Variants in CACNA1H observed in about 807,000 individuals in gnomAD.
The protein encoded by CACNA1H is calcium voltage-gated channel subunit alpha1 H.
A neutral mutation model predicts 192.5 loss-of-function variants in CACNA1H; 149 were observed. That is an observed-to-expected ratio of 0.77 (90% CI 0.68 to 0.89). The LOEUF is 0.89. CACNA1H is among the 40% of genes least tolerant of loss of function. CACNA1H has a pLI of 0.00. For synonymous variants in CACNA1H, 2,202 were observed against 1,475.2 expected, an observed-to-expected ratio of 1.49 and a Z score of -11.29; for missense variants, 4,257 against 3,423.5, an observed-to-expected ratio of 1.24 and a Z score of -6.08.
rs867960501 is a variant in CACNA1H at position 1,210,333 on chromosome 16, G to T, written c.3846-37G>T. 9.8e-6 allele frequency: 13 copies of T among 1,320,608 alleles called. No homozygotes were observed. In the South Asian group the frequency reaches 1.7e-4, roughly 17 times the overall value. The allele number at this position is 1,320,608 out of a possible 1,614,324, so 81.8% of individuals were successfully genotyped here. Reference sequence around the variant, plus strand: ...CCCCATCCACTCTGCCATCCACGCCGCCCCGCCCCACCTCTCACCCGCCCC... The same window carrying T: ...CCCCATCCACTCTGCCATCCACGCCTCCCCGCCCCACCTCTCACCCGCCCC... On this transcript the variant is annotated intron_variant, in intron 18 of 34. Coordinates refer to ENST00000348261, the MANE Select transcript of CACNA1H (RefSeq NM_021098.3).
At chr16:1,195,223 C>T (rs1219330100) in intron 3 of CACNA1H, 140 bp downstream of exon 3, 21 of 363,960 alleles carry the variant, frequency 5.8e-5, no homozygotes, top group Non-Finnish European at 7.4e-5. Flanking sequence ...GCGAGGTTCA[C>T]GGCGGGGCGC....
chr16:1,166,950 G>A (rs558180417), intron 2 of CACNA1H, among the ~76,000 whole-genome samples: 1 of 152,322 alleles, frequency 6.6e-6, no homozygotes, highest in East Asian at 1.9e-4. Flanking sequence ...GAGCAAAATT[G>A]CTGGGTCAGG....
At position 1,195,916 on chromosome 16, in the gene CACNA1H, C is replaced by A; in HGVS notation, c.546-10C>A. ...CTTGTTGAGCTGCTCCCCCTCGGCCCCGCCCCCAGCATGATGGAGTACTCG... is the reference window on the plus strand; with the variant it reads ...CTTGTTGAGCTGCTCCCCCTCGGCCACGCCCCCAGCATGATGGAGTACTCG... On this transcript the variant is annotated splice_polypyrimidine_tract_variant and intron_variant, in intron 4 of 34. Coordinates refer to ENST00000348261, the MANE Select transcript of CACNA1H (RefSeq NM_021098.3). The A allele has an allele frequency of 6.2e-7, 1 of 1,610,874 alleles. No homozygotes were observed. Among genetic ancestry groups the A allele is most frequent in the Non-Finnish European group, 8.5e-7 (1 of 1,177,922 alleles).
chr16:1,198,190 C>T (rs1967223884), intron 5 of CACNA1H, among the ~76,000 whole-genome samples: 1 of 152,256 alleles, frequency 6.6e-6, no homozygotes. Flanking sequence ...CCAGACAAGC[C>T]TCGAGGGCCA....
chr16:1,207,788 G>C lies in CACNA1H; in HGVS notation c.3082G>C (p.Asp1028His). The C allele has an allele frequency of 6.2e-7, 1 of 1,600,594 alleles. No individual in the cohort carries two copies. The highest frequency in any genetic ancestry group is 8.5e-7 in the Non-Finnish European group (1 of 1,173,992). Residue 1028 changes from aspartate to histidine, a missense_variant, in exon 15 of 35, where the codon GAC (aspartate) becomes CAC (histidine). Transcript: ENST00000348261. The part of the protein sequence containing the change: ...FQAEGDANRS[D>H]TDEDKTSVHF... ...GGTTTAGGGCGATGCCAACAGATCC[G>C]ACACGGACGAGGACAAGACGTCGGT...
chr16:1,189,119 G>A (rs1215541539), intron 2 of CACNA1H, among the ~76,000 whole-genome samples: 1 of 148,730 alleles, frequency 6.7e-6, no homozygotes, highest in Non-Finnish European at 1.5e-5. Flanking sequence ...TTGTTCCAGG[G>A]TCCCGAGGGA....
At position 1,211,710 on chromosome 16, in the gene CACNA1H, C is replaced by T. The variant is rs1312433315; in HGVS notation, c.4477-6C>T. The T allele has an allele frequency of 1.2e-6, 2 of 1,612,470 alleles. No homozygotes were observed. Among genetic ancestry groups the T allele is most frequent in the Non-Finnish European group, 8.5e-7 (1 of 1,179,662 alleles). On this transcript the variant is annotated splice_polypyrimidine_tract_variant and splice_region_variant and intron_variant, in intron 23 of 34. Transcript: ENST00000348261. ...CCTCGCCAGTGACCCTGGCTCTGGCCCTCAGGCCCTGATGTCGCTGTTCGT... is the reference window on the plus strand; with the variant it reads ...CCTCGCCAGTGACCCTGGCTCTGGCTCTCAGGCCCTGATGTCGCTGTTCGT...
chr16:1,217,872 C>T (rs771228950), intron 31 of CACNA1H, 47 bp from the exon 32 acceptor site: 10 of 1,548,672 alleles, frequency 6.5e-6, no homozygotes, highest in Non-Finnish European at 7.9e-6. Flanking sequence ...GTCCCGCCTC[C>T]ACCCGGAGCG....
intron 2 of CACNA1H, among the ~76,000 whole-genome samples, chr16:1,177,266 C>T (rs559552517): frequency 6.6e-6 from 1 of 152,220 alleles, no homozygotes; most frequent in South Asian, 2.1e-4. Context: ...AGGGCCGATC[C>T]CCTCCAGGGC....
At chr16:1,203,317 T>G (rs1005222404) in intron 9 of CACNA1H, among the ~76,000 whole-genome samples, 1 of 152,132 alleles carries the variant, frequency 6.6e-6, no homozygotes, top group African/African-American at 2.4e-5. Context: ...GTAACCATGG[T>G]TTGCTCGCAT....
intron 2 of CACNA1H, among the ~76,000 whole-genome samples, chr16:1,187,197 G>A (rs886248095): frequency 6.6e-5 from 10 of 152,282 alleles, no homozygotes; most frequent in Admixed American, 5.2e-4. Flanking sequence ...GAGAATGAGG[G>A]GCCGGGAGGG....
At chr16:1,174,840 G>A (rs1223324477) in intron 2 of CACNA1H, among the ~76,000 whole-genome samples, 8 of 152,328 alleles carry the variant, frequency 5.3e-5, no homozygotes, top group African/African-American at 1.7e-4. Flanking sequence ...CCCTGGCCTC[G>A]AGGCTCCCCG....
intron 9 of CACNA1H, 129 bp downstream of exon 9, chr16:1,202,581 C>T (rs1318476142): frequency 1.2e-6 from 1 of 828,078 alleles, no homozygotes; most frequent in Non-Finnish European, 1.8e-6. Flanking sequence ...GTGAAACAGA[C>T]CAGCTATGCC....
intron 2 of CACNA1H, among the ~76,000 whole-genome samples, chr16:1,189,831 C>G (rs767273549): frequency 9.2e-5 from 14 of 152,176 alleles, no homozygotes; most frequent in Non-Finnish European, 1.5e-4. Flanking sequence ...CAGCCCTGTT[C>G]CCCTGTTCAG....
rs372558359 is a variant in CACNA1H, at chr16:1,220,125, G to A, written c.6193G>A (p.Ala2065Thr). ...GTCCCCACCACGCTCCCCACGGCCCGCCAGCGTCCGCACTCGTAAGCATAC... is the reference window on the plus strand; with the variant it reads ...GTCCCCACCACGCTCCCCACGGCCCACCAGCGTCCGCACTCGTAAGCATAC... ...LQSPPRSPRP[A>T]SVRTRKHTFG... Residue 2065 changes from alanine to threonine, a missense_variant, in exon 35 of 35, where the codon GCC (alanine) becomes ACC (threonine). Transcript: ENST00000348261. 13 of 1,490,528 alleles carry A rather than the reference G, an allele frequency of 8.7e-6. No individual in the cohort carries two copies. Among genetic ancestry groups the A allele is most frequent in the African/African-American group, 7.3e-5 (5 of 68,640 alleles). 92.3% of individuals were successfully genotyped at this position (1,490,528 alleles called of 1,614,324 possible).
At chr16:1,195,212 G>T (rs1966861582) in intron 3 of CACNA1H, 129 bp downstream of exon 3, 2 of 899,756 alleles carry the variant, frequency 2.2e-6, no homozygotes, top group African/African-American at 3.4e-5. Flanking sequence ...CGGGGATCAG[G>T]GCGAGGTTCA....
chr16:1,162,963 G>A (rs534660289), intron 2 of CACNA1H, among the ~76,000 whole-genome samples: 5 of 152,366 alleles, frequency 3.3e-5, no homozygotes, highest in East Asian at 1.9e-4. Context: ...GCGGCCACGC[G>A]GAGCTATCCT....
chr16:1,182,335 T>G (rs1010372537), intron 2 of CACNA1H, among the ~76,000 whole-genome samples: 1 of 152,062 alleles, frequency 6.6e-6, no homozygotes, highest in Non-Finnish European at 1.5e-5. Flanking sequence ...TCTGTTGAGA[T>G]GGAATGTTCC....
intron 2 of CACNA1H, among the ~76,000 whole-genome samples, chr16:1,189,372 C>T (rs1480953722): frequency 7.1e-6 from 1 of 140,270 alleles, no homozygotes; most frequent in Non-Finnish European, 1.5e-5. Flanking sequence ...CTGTGCTGGA[C>T]CTGGCAGGTG....
Sources: allele counts gnomAD v4.1 joint callset (sites outside exome capture counted in the v4.1 genomes callset), GRCh38; gene constraint gnomAD v4.1.1; transcripts MANE v1.5; gene names NCBI Gene and HGNC (gene_info 2026-07-23, HGNC 2026-07-21).